The following BABAM1 variants were observed in gnomAD, a reference collection of about 807,000 sequenced individuals.
BABAM1 encodes BRISC and BRCA1-A complex member 1.
In BABAM1, 14 loss-of-function variants were observed where a neutral mutation model predicts 34.4. That is an observed-to-expected ratio of 0.41 (90% CI 0.27 to 0.64). The LOEUF is 0.64. Among genes scored for constraint, BABAM1 ranks in the 30% least tolerant of loss-of-function variants. The pLI is 0.34. For missense variants in BABAM1, 393 were observed against 434.0 expected (o/e 0.91, Z 0.84); for synonymous variants, 169 against 165.8 (o/e 1.02, Z -0.15).
At position 17,278,907 on chromosome 19, in the gene BABAM1, A is replaced by G. The variant is rs2073943341; in HGVS notation, c.849A>G (p.Ala283=). Residue 283 remains alanine, a synonymous_variant, in exon 9 of 9, where the codon GCA becomes GCG. Coordinates refer to ENST00000598188, the MANE Select transcript of BABAM1 (RefSeq NM_014173.4). ...GTACCAGCTACAAGTATGAGGTGGC[A>G]CTGGCTGGGCCAGCCCTGGAGTTGC... ...TKGTSYKYEV[A]LAGPALELHN... The G allele has an allele frequency of 6.2e-7, 1 of 1,613,488 alleles. No homozygotes were observed. The highest frequency in any genetic ancestry group is 1.3e-5 in the African/African-American group (1 of 74,938).
chr19:17,275,233 TCCATC>T (rs1247726406), intron 5 of BABAM1, among the ~76,000 whole-genome samples: 1 of 151,698 alleles, frequency 6.6e-6, no homozygotes, highest in Non-Finnish European at 1.5e-5. Context: ...TAAATTAGAT[TCCATC>T]CCATCCCATC....
At chr19:17,270,677 C>T (rs902076834) in intron 2 of BABAM1, among the ~76,000 whole-genome samples, 18 of 151,810 alleles carry the variant, frequency 1.2e-4, no homozygotes, top group Admixed American at 7.2e-4. Flanking sequence ...AGGCACTCAC[C>T]GCCACACCCA....
Position 17,276,440 on chromosome 19 carries a change from A to T in BABAM1, c.570-55A>T, listed in dbSNP as rs765664881. On this transcript the variant is annotated intron_variant, in intron 6 of 8. Transcript: ENST00000598188. ...ATCTGGGGTCTCTCTCAGGGTGATA[A>T]GAGGGGCAGACCCCCACAGGCTGCT... The T allele has an allele frequency of 2.2e-5, 34 of 1,558,662 alleles. No homozygotes were observed. In the Middle Eastern group the frequency reaches 5.0e-4, roughly 23 times the overall value.
intron 1 of BABAM1, 77 bp from the exon 2 acceptor site, chr19:17,268,717 C>G: frequency 7.0e-7 from 1 of 1,421,742 alleles, no homozygotes; most frequent in Non-Finnish European, 9.2e-7. Context: ...GCATGAGCCA[C>G]CGTGCCCGAC....
At chr19:17,271,972 G>A (rs1414930401) in intron 3 of BABAM1, among the ~76,000 whole-genome samples, 2 of 152,086 alleles carry the variant, frequency 1.3e-5, no homozygotes, top group African/African-American at 4.8e-5. Context: ...ACAGGGTGTC[G>A]CTCTCTTGCC....
intron 6 of BABAM1, 44 bp from the exon 7 acceptor site, chr19:17,276,450 AC>A: frequency 1.3e-6 from 2 of 1,564,832 alleles, no homozygotes; most frequent in Admixed American, 3.8e-5. Flanking sequence ...AGAGGGGCAG[AC>A]CCCCACAGGC....
intron 8 of BABAM1, 106 bp from the exon 9 acceptor site, chr19:17,278,739 C>A (rs2073941100): frequency 1.8e-6 from 2 of 1,122,680 alleles, no homozygotes; most frequent in Non-Finnish European, 2.6e-6. Context: ...CCTTTAGAAC[C>A]CACCCCAGAT....
chr19:17,271,053 A>G (rs537618760), intron 2 of BABAM1, among the ~76,000 whole-genome samples: 64 of 150,922 alleles, frequency 4.2e-4, no homozygotes, highest in African/African-American at 1.5e-3. Context: ...CAGTGGCTCA[A>G]TCAGGGCTCA....
At chr19:17,274,742 T>C (rs2073888636) in intron 5 of BABAM1, among the ~76,000 whole-genome samples, 1 of 152,174 alleles carries the variant, frequency 6.6e-6, no homozygotes, top group Admixed American at 6.5e-5. Context: ...GCGCAGGACA[T>C]TTTATGGTAA....
chr19:17,273,998 G>A lies in BABAM1; in HGVS notation c.439G>A (p.Val147Met), dbSNP rs368260405. ...KIDKSHEFALVVVNDDTAWLS... is the reference protein window; with the variant it reads ...KIDKSHEFALMVVNDDTAWLS... ...CGACAAAAGCCACGAGTTTGCACTG[G>A]TGGTGGTGAACGATGACACGGCCTG... Residue 147 changes from valine to methionine, a missense_variant, in exon 4 of 9, where the codon GTG (valine) becomes ATG (methionine). Transcript: ENST00000598188. 6.2e-7 allele frequency: 1 copy of A among 1,613,968 alleles called. No individual in the cohort carries two copies. Among genetic ancestry groups the A allele is most frequent in the Non-Finnish European group, 8.5e-7 (1 of 1,179,882 alleles).
chr19:17,270,324 A>G (rs560216336), intron 2 of BABAM1, among the ~76,000 whole-genome samples: 6 of 152,052 alleles, frequency 3.9e-5, no homozygotes, highest in Non-Finnish European at 8.8e-5. Context: ...CTGGGATTAC[A>G]GGTGTTAGCC....
intron 2 of BABAM1, among the ~76,000 whole-genome samples, chr19:17,269,770 C>T (rs1370597389): frequency 6.6e-6 from 1 of 151,642 alleles, no homozygotes; most frequent in Non-Finnish European, 1.5e-5. Flanking sequence ...TGCTCTGTCA[C>T]CCAGGCTGGA....
chr19:17,274,327 G>T lies in BABAM1; in HGVS notation c.544+142G>T. ...CCAAGGCTGGGAAAGTCACCCCTCT[G>T]AGCCTCAGTTTCCCCATCTGTACTG... On this transcript the variant is annotated intron_variant, in intron 5 of 8. Coordinates refer to ENST00000598188, the MANE Select transcript of BABAM1 (RefSeq NM_014173.4). 12 of 1,063,970 alleles carry T rather than the reference G, an allele frequency of 1.1e-5. No individual in the cohort carries two copies. In the South Asian group the frequency reaches 1.8e-4, roughly 16 times the overall value. The allele number at this position is 1,063,970 out of a possible 1,614,324, so 65.9% of individuals were successfully genotyped here.
intron 5 of BABAM1, 182 bp downstream of exon 5, chr19:17,274,367 T>C (rs10416654): frequency 0.17 from 122,380 of 737,606 alleles, 11,079 homozygotes; most frequent in Non-Finnish European, 0.18. Flanking sequence ...AGGCACAAAG[T>C]TGCCTACCCC....
chr19:17,279,314 A>G lies in BABAM1; in HGVS notation c.*266A>G, dbSNP rs997441150. On this transcript the variant is annotated 3_prime_UTR_variant, in exon 9 of 9. Transcript: ENST00000598188. ...CTTCCCTGTGTGATTTTTGCCATCAAAATAAAAATTTGAGACTCGTTAACC... is the reference window on the plus strand; with the variant it reads ...CTTCCCTGTGTGATTTTTGCCATCAGAATAAAAATTTGAGACTCGTTAACC... 7 of 406,506 alleles carry G rather than the reference A, an allele frequency of 1.7e-5. No individual in the cohort carries two copies. Among genetic ancestry groups the G allele is most frequent in the African/African-American group, 1.0e-4 (5 of 49,842 alleles). The allele number at this position is 406,506 out of a possible 1,614,324, so 25.2% of individuals were successfully genotyped here. A position where few individuals can be genotyped will look rare whatever the true frequency, so the allele number is the denominator to read the frequency against.
rs1001205829 is a variant in BABAM1 at position 17,276,927 on chromosome 19, G to A, written c.786+18G>A. On this transcript the variant is annotated intron_variant, in intron 8 of 8. Coordinates refer to ENST00000598188, the MANE Select transcript of BABAM1 (RefSeq NM_014173.4). ...GTTGGAAGGTGAGAGGCTGCAGCAG[G>A]TGTGAGTAGCAGGCGGGTGTGGACA... 2 of 1,578,446 alleles carry A rather than the reference G, an allele frequency of 1.3e-6. No individual in the cohort carries two copies. Among genetic ancestry groups the A allele is most frequent in the African/African-American group, 1.3e-5 (1 of 74,136 alleles).
intron 5 of BABAM1, 36 bp downstream of exon 5, chr19:17,274,221 G>T (rs762582421): frequency 8.1e-6 from 13 of 1,602,766 alleles, no homozygotes; most frequent in Non-Finnish European, 1.0e-5. Context: ...CATGAAGGGG[G>T]CTGTCTCCTT....
chr19:17,273,486 TGAC>T (rs1349385314), intron 3 of BABAM1, among the ~76,000 whole-genome samples: 2 of 151,602 alleles, frequency 1.3e-5, no homozygotes, highest in Non-Finnish European at 2.9e-5. Flanking sequence ...CCCTGCAGTA[TGAC>T]CTATACCTCC....
Position 17,278,935 on chromosome 19 carries a change from A to G in BABAM1, c.877A>G (p.Asn293Asp). Reference protein sequence around the residue: ...ALAGPALELHNCMAKLLAHPL... With the variant: ...ALAGPALELHDCMAKLLAHPL... ...GGCTGGGCCAGCCCTGGAGTTGCAC[A>G]ACTGCATGGCGAAACTGTTGGCCCA... The change falls in exon 9 of 9, where the codon AAC becomes GAC. Residue 293 changes from asparagine to aspartate, a missense_variant. Asn to Asp is a conservative substitution (Grantham distance 23). Transcript: ENST00000598188. 2 of 1,613,428 alleles carry G rather than the reference A, an allele frequency of 1.2e-6. No homozygotes were observed. The highest frequency in any genetic ancestry group is 1.7e-6 in the Non-Finnish European group (2 of 1,179,742).
Sources: allele counts gnomAD v4.1 joint callset (sites outside exome capture counted in the v4.1 genomes callset), GRCh38; gene constraint gnomAD v4.1.1; transcripts MANE v1.5; gene names NCBI Gene and HGNC (gene_info 2026-07-23, HGNC 2026-07-21).